Variants in PLEKHG3 observed in about 807,000 individuals in gnomAD.
PLEKHG3 encodes pleckstrin homology domain-containing family G member 3.
A neutral mutation model predicts 94.9 loss-of-function variants in PLEKHG3; 62 were observed. The ratio of observed to expected loss-of-function variants is 0.65; its 90% CI spans 0.53 to 0.81. PLEKHG3 has a LOEUF of 0.81. PLEKHG3 is among the 30% of genes least tolerant of loss of function. PLEKHG3 has a pLI of 0.00. For synonymous variants in PLEKHG3, 614 were observed against 654.0 expected, an observed-to-expected ratio of 0.94 and a Z score of 0.93; for missense variants, 1,461 against 1,619.3, an observed-to-expected ratio of 0.90 and a Z score of 1.68.
chr14:64,731,761 C>T lies in PLEKHG3; in HGVS notation c.1080C>T (p.Phe360=). 6.2e-7 allele frequency: 1 copy of T among 1,613,710 alleles called. No homozygotes were observed. The highest frequency in any genetic ancestry group is 8.5e-7 in the Non-Finnish European group (1 of 1,179,726). Residue 360 remains phenylalanine, a synonymous_variant, in exon 9 of 17, where the codon TTC becomes TTT. Coordinates refer to ENST00000247226, the MANE Select transcript of PLEKHG3 (RefSeq NM_001308147.2). The surrounding 1 kb of genome is among the most constrained non-coding windows in gnomAD (Gnocchi z 6.1). ...AAAGCACCAGAGACTCCCTGTGCTT[C>T]ACTGTCACCCACTACAAGCACAGCA... ...LIESTRDSLC[F]TVTHYKHSKQ...
At chr14:64,707,813 C>G (rs1215879355) in intron 1 of PLEKHG3, among the ~76,000 whole-genome samples, 1 of 152,254 alleles carries the variant, frequency 6.6e-6, no homozygotes, top group East Asian at 1.9e-4. Flanking sequence ...GGCTTGACAG[C>G]TCACTAGCCC....
At chr14:64,712,972 T>G (rs2081084654) in intron 1 of PLEKHG3, among the ~76,000 whole-genome samples, 2 of 152,228 alleles carry the variant, frequency 1.3e-5, no homozygotes, top group African/African-American at 4.8e-5. Flanking sequence ...GTTGGGGATA[T>G]TCTCTTCTCT....
At position 64,730,570 on chromosome 14, in the gene PLEKHG3, C is replaced by T; in HGVS notation, c.520-72C>T. 1 of 1,269,600 alleles carries T rather than the reference C, an allele frequency of 7.9e-7. No homozygotes were observed. Among genetic ancestry groups the T allele is most frequent in the East Asian group, 2.3e-5 (1 of 42,950 alleles). The allele number at this position is 1,269,600 out of a possible 1,614,324, so 78.6% of individuals were successfully genotyped here. On this transcript the variant is annotated intron_variant, in intron 4 of 16. Coordinates refer to ENST00000247226, the MANE Select transcript of PLEKHG3 (RefSeq NM_001308147.2). The surrounding 1 kb of genome is among the most constrained non-coding windows in gnomAD (Gnocchi z 5.4). ...CAGAGGGTGCTCTGGGGGCCAGGGG[C>T]CTATCTGCTACCACCATCTTTACTG...
rs779243176 is a variant in PLEKHG3, at chr14:64,743,106, T to C, written c.3063T>C (p.Ala1021=). ...AGCGTTTCTTCTTCAACCCGTCTGC[T>C]GTCAGCCAGAGGACCACCTCGCCTG... ...SPQRFFFNPS[A]VSQRTTSPGG... The change falls in exon 17 of 17, where the codon GCT becomes GCC. Residue 1021 remains alanine (A), a synonymous_variant. Transcript: ENST00000247226. This position sits in a 1 kb window ranked among gnomAD's most constrained non-coding sequence, Gnocchi z 7.2. 14 of 1,612,778 alleles carry C rather than the reference T, an allele frequency of 8.7e-6. No homozygotes were observed. Among genetic ancestry groups the C allele is most frequent in the Non-Finnish European group, 1.1e-5 (13 of 1,180,008 alleles).
intron 1 of PLEKHG3, among the ~76,000 whole-genome samples, chr14:64,714,534 C>T (rs1410710616): frequency 1.3e-5 from 2 of 152,198 alleles, no homozygotes; most frequent in Non-Finnish European, 2.9e-5. Flanking sequence ...GTCTTGCTTA[C>T]TGGAATGTAA....
chr14:64,749,198 A>G lies in PLEKHG3; in HGVS notation c.*5495A>G. On this transcript the variant is annotated 3_prime_UTR_variant, in exon 17 of 17. Coordinates refer to ENST00000247226, the MANE Select transcript of PLEKHG3 (RefSeq NM_001308147.2). This position sits in a 1 kb window ranked among gnomAD's most constrained non-coding sequence, Gnocchi z 4.7. ...GTGGGGCCCGGGGGCCCGGCCCGCG[A>G]CTCGACTCATCTCGATTCGACCGGC... 1 of 1,381,760 alleles carries G rather than the reference A, an allele frequency of 7.2e-7. No individual in the cohort carries two copies. The highest frequency in any genetic ancestry group is 9.8e-7 in the Non-Finnish European group (1 of 1,016,076). The allele number at this position is 1,381,760 out of a possible 1,614,324, so 85.6% of individuals were successfully genotyped here.
rs939120661 is a variant in PLEKHG3 at position 64,718,694 on chromosome 14, A to G, written c.-39-8899A>G. On this transcript the variant is annotated intron_variant, in intron 1 of 16. Transcript: ENST00000247226. This position sits in a 1 kb window ranked among gnomAD's most constrained non-coding sequence, Gnocchi z 5.0. ...CTGGCTGTAGTCCCTGGGCTCTTTCATACACATTCTTCTGCTTTTCCTTTT... is the reference window on the plus strand; with the variant it reads ...CTGGCTGTAGTCCCTGGGCTCTTTCGTACACATTCTTCTGCTTTTCCTTTT... 6.6e-6 allele frequency among the ~76,000 whole-genome samples: 1 copy of G among 152,130 alleles called. No individual in the cohort carries two copies. The highest frequency in any genetic ancestry group is 2.4e-5 in the African/African-American group (1 of 41,392).
At position 64,727,517 on chromosome 14, in the gene PLEKHG3, C is replaced by A; in HGVS notation, c.-39-76C>A. The A allele has an allele frequency of 1.5e-5, 8 of 526,622 alleles. No individual in the cohort carries two copies. The highest frequency in any genetic ancestry group is 3.4e-5 in the East Asian group (1 of 29,108). 32.6% of individuals were successfully genotyped at this position (526,622 alleles called of 1,614,324 possible). On this transcript the variant is annotated intron_variant, in intron 1 of 16. Transcript: ENST00000247226. This position sits in a 1 kb window ranked among gnomAD's most constrained non-coding sequence, Gnocchi z 6.0. ...TACCTTCCCACCCCACCTGCCCCCA[C>A]CCCTGGCAACCGTCCCTCTGTTCTG...
In PLEKHG3 at chr14:64,716,495, CAACA is replaced by C. The variant is rs1566694140; in HGVS notation, c.-39-11097_-39-11094del. 1.7e-5 allele frequency among the ~76,000 whole-genome samples: 1 copy of C among 58,730 alleles called. No individual in the cohort carries two copies. Among genetic ancestry groups the C allele is most frequent in the African/African-American group, 6.2e-5 (1 of 16,116 alleles). The allele number at this position is 58,730 out of a possible 152,430, so 38.5% of individuals were successfully genotyped here. On this transcript the variant is annotated intron_variant, in intron 1 of 16. Coordinates refer to ENST00000247226, the MANE Select transcript of PLEKHG3 (RefSeq NM_001308147.2). This position sits in a 1 kb window ranked among gnomAD's most constrained non-coding sequence, Gnocchi z 5.0. ...CACACACACACAACACACACACACA[CAACA>C]CACACACACACACACACACACACAC...
chr14:64,714,995 G>A (rs59562812), intron 1 of PLEKHG3, among the ~76,000 whole-genome samples: 9,033 of 152,232 alleles, frequency 0.059, 323 homozygotes, highest in African/African-American at 0.064. Flanking sequence ...AAAACAGCTT[G>A]GGATACTTGC....
rs1486733229 is a variant in PLEKHG3, at chr14:64,748,073, G to T, written c.*4370G>T. The T allele has an allele frequency of 6.6e-6, 1 of 152,224 alleles. No individual in the cohort carries two copies. Among genetic ancestry groups the T allele is most frequent in the Admixed American group, 6.5e-5 (1 of 15,274 alleles). 9.4% of individuals were successfully genotyped at this position (152,224 alleles called of 1,614,324 possible). ...CCCCGCCAAGACCTGGGGCCAGGAC[G>T]TGGAGAAGCTGATCAAGGGGTACCA... On this transcript the variant is annotated 3_prime_UTR_variant, in exon 17 of 17. Transcript: ENST00000247226.
At position 64,750,001 on chromosome 14, in the gene PLEKHG3, C is replaced by T; in HGVS notation, c.*6298C>T. ...CTCACCTCAGCTTAAAGACGTGCTT[C>T]TTCTTCTTGTAGTTGGCAGCAATCT... On this transcript the variant is annotated 3_prime_UTR_variant, in exon 17 of 17. Coordinates refer to ENST00000247226, the MANE Select transcript of PLEKHG3 (RefSeq NM_001308147.2). The T allele has an allele frequency of 6.2e-7, 1 of 1,614,158 alleles. No individual in the cohort carries two copies. Among genetic ancestry groups the T allele is most frequent in the South Asian group, 1.1e-5 (1 of 91,082 alleles).
intron 12 of PLEKHG3, 151 bp downstream of exon 12, chr14:64,733,052 A>G (rs1043631600): frequency 5.1e-6 from 3 of 583,154 alleles, no homozygotes; most frequent in Non-Finnish European, 9.2e-6. Context: ...CCTGGGGCTC[A>G]TCCTCTCCCT....
Position 64,749,919 on chromosome 14 carries a change from C to T in PLEKHG3, c.*6216C>T. 1 of 1,609,132 alleles carries T rather than the reference C, an allele frequency of 6.2e-7. No homozygotes were observed. The highest frequency in any genetic ancestry group is 1.1e-5 in the South Asian group (1 of 90,878). On this transcript the variant is annotated 3_prime_UTR_variant, in exon 17 of 17. Transcript: ENST00000247226. This position sits in a 1 kb window ranked among gnomAD's most constrained non-coding sequence, Gnocchi z 4.7. ...ACTGGTCCCCTACAGAGGGCCTCTG[C>T]CCTGCCACTAATGCCAAATCAAGCC...
chr14:64,726,321 A>G lies in PLEKHG3; in HGVS notation c.-39-1272A>G, dbSNP rs2081352305. On this transcript the variant is annotated intron_variant, in intron 1 of 16. Transcript: ENST00000247226. This position sits in a 1 kb window ranked among gnomAD's most constrained non-coding sequence, Gnocchi z 5.1. ...TAGCTCAAGTCTCTGCCCTTTAGTC[A>G]TGTCTGGGGTCTAGTCACTTCTGAG... Among the ~76,000 whole-genome samples, 1 of 152,048 alleles carries G rather than the reference A, an allele frequency of 6.6e-6. No homozygotes were observed.
At chr14:64,737,971 A>AGGT (rs1566713311) in intron 14 of PLEKHG3, 13 of 1,141,004 alleles carry the variant, frequency 1.1e-5, no homozygotes, top group South Asian at 2.9e-5. Context: ...GAAGAGGAGG[A>AGGT]GGTGGTGGAG....
In PLEKHG3 at chr14:64,743,204, G is replaced by C; in HGVS notation, c.3161G>C (p.Cys1054Ser). 1.2e-6 allele frequency: 2 copies of C among 1,609,964 alleles called. No individual in the cohort carries two copies. Among genetic ancestry groups the C allele is most frequent in the Admixed American group, 1.7e-5 (1 of 59,982 alleles). ...AGCTGGCCCGACGTCCGTGAGCTCT[G>C]CTCCAAGTATGCCTCCCGCGATGAG... ...TFSWPDVREL[C>S]SKYASRDEAR... is the part of the protein sequence containing the mutation. The change falls in exon 17 of 17, where the codon TGC becomes TCC. Residue 1054 changes from cysteine (C) to serine (S), a missense_variant. Coordinates refer to ENST00000247226, the MANE Select transcript of PLEKHG3 (RefSeq NM_001308147.2). The surrounding 1 kb of genome is among the most constrained non-coding windows in gnomAD (Gnocchi z 7.2).
Position 64,737,390 on chromosome 14 carries a change from G to T in PLEKHG3, c.1404+15G>T. The T allele has an allele frequency of 6.3e-7, 1 of 1,577,136 alleles. No homozygotes were observed. Among genetic ancestry groups the T allele is most frequent in the Non-Finnish European group, 8.6e-7 (1 of 1,160,294 alleles). On this transcript the variant is annotated intron_variant, in intron 14 of 16. Coordinates refer to ENST00000247226, the MANE Select transcript of PLEKHG3 (RefSeq NM_001308147.2). ...CAGGAATGAAGGTAAAGGCCAGTGGGAGGAGGGGACTGGCTGACAGAGGAG... is the reference window on the plus strand; with the variant it reads ...CAGGAATGAAGGTAAAGGCCAGTGGTAGGAGGGGACTGGCTGACAGAGGAG...
chr14:64,717,756 A>T lies in PLEKHG3; in HGVS notation c.-39-9837A>T, dbSNP rs1305252168. On this transcript the variant is annotated intron_variant, in intron 1 of 16. Transcript: ENST00000247226. This position sits in a 1 kb window ranked among gnomAD's most constrained non-coding sequence, Gnocchi z 4.7. ...TCGAAGCTGTCTCTGAATAGCCAGCACCTTCCTGGGCTTCTGCATTCTTCT... is the reference window on the plus strand; with the variant it reads ...TCGAAGCTGTCTCTGAATAGCCAGCTCCTTCCTGGGCTTCTGCATTCTTCT... Among the ~76,000 whole-genome samples, 1 of 152,196 alleles carries T rather than the reference A, an allele frequency of 6.6e-6. No homozygotes were observed. Among genetic ancestry groups the T allele is most frequent in the Admixed American group, 6.5e-5 (1 of 15,286 alleles).
Sources: allele counts gnomAD v4.1 joint callset (sites outside exome capture counted in the v4.1 genomes callset), GRCh38; gene constraint gnomAD v4.1.1; non-coding constraint Gnocchi (gnomAD v3.1); transcripts MANE v1.5; gene names NCBI Gene and HGNC (gene_info 2026-07-23, HGNC 2026-07-21).